The following LINGO2 variants were observed in gnomAD, a reference collection of about 807,000 sequenced individuals.
LINGO2 encodes leucine-rich repeat and immunoglobulin-like domain-containing nogo receptor-interacting protein 2.
LINGO2 carries 14 observed loss-of-function variants against 30.6 expected under a neutral mutation model. The observed-to-expected ratio is 0.46, with a 90% CI of 0.30 to 0.72. The LOEUF (loss-of-function observed/expected upper bound fraction) is 0.72. Ranked by LOEUF, LINGO2 falls within the 30% of genes least tolerant of loss-of-function variation. The pLI is 0.07. For synonymous variants in LINGO2, 317 were observed against 288.5 expected (o/e 1.10, Z -1.00); for missense variants, 729 against 751.7 (o/e 0.97, Z 0.35).
chr9:28,155,774 C>T (rs1007196950), intron 4 of LINGO2, among the ~76,000 whole-genome samples: 2 of 152,156 alleles, frequency 1.3e-5, no homozygotes, highest in African/African-American at 4.8e-5. Flanking sequence ...GATTATCTCA[C>T]AAAGTCACAG....
chr9:28,923,230 C>T, the LINGO2 span, among the ~76,000 whole-genome samples: 19 of 152,166 alleles, frequency 1.2e-4, no homozygotes, highest in Non-Finnish European at 2.1e-4. Flanking sequence ...CTACATTTCC[C>T]TAACTAATTC....
chr9:28,767,078 T>G, the LINGO2 span, among the ~76,000 whole-genome samples: 2 of 152,104 alleles, frequency 1.3e-5, no homozygotes, highest in East Asian at 3.9e-4. Flanking sequence ...TTACCAGGTG[T>G]GGGGGAAGGT....
intron 4 of LINGO2, among the ~76,000 whole-genome samples, chr9:28,234,035 T>G (rs1821468941): frequency 6.6e-6 from 1 of 152,166 alleles, no homozygotes; most frequent in South Asian, 2.1e-4. Context: ...GAAAGACTCC[T>G]TCTATTTGAG....
intron 4 of LINGO2, among the ~76,000 whole-genome samples, chr9:28,280,640 T>G (rs1232270995): frequency 2.0e-5 from 3 of 152,118 alleles, no homozygotes; most frequent in Non-Finnish European, 2.9e-5. Context: ...CTGGAAGTTG[T>G]GTGGATATCA....
chr9:29,190,364 G>T, the LINGO2 span, among the ~76,000 whole-genome samples: 1 of 152,086 alleles, frequency 6.6e-6, no homozygotes, highest in Non-Finnish European at 1.5e-5. Context: ...CCAAATTTGA[G>T]TAAGCTGACT....
rs373019723 is a variant in LINGO2 at position 28,313,936 on chromosome 9, A to AT, written c.-245-18571dup. 1.2e-3 allele frequency among the ~76,000 whole-genome samples: 172 copies of AT among 147,632 alleles called. 1 individual carries two copies. Among genetic ancestry groups the AT allele is most frequent in the Middle Eastern group, 0.011 (3 of 282 alleles). ...CAAACACTGTGACCAGTGAGAATTGATTTTTTTTTTTGTTTTAGATGGAGT... is the reference window on the plus strand; with the variant it reads ...CAAACACTGTGACCAGTGAGAATTGATTTTTTTTTTTTGTTTTAGATGGAGT... On this transcript the variant is annotated intron_variant, in intron 3 of 5. Coordinates refer to ENST00000379992, the Ensembl canonical transcript of LINGO2.
At chr9:28,562,950 G>A (rs1214152732) in intron 1 of LINGO2, among the ~76,000 whole-genome samples, 1 of 151,988 alleles carries the variant, frequency 6.6e-6, no homozygotes, top group African/African-American at 2.4e-5. Flanking sequence ...GGGTTCAAGC[G>A]ATTATCCTGC....
the LINGO2 span, among the ~76,000 whole-genome samples, chr9:28,766,987 G>C: frequency 1.6e-4 from 24 of 152,200 alleles, no homozygotes; most frequent in African/African-American, 5.5e-4. Flanking sequence ...TACAGAATGT[G>C]TTACAGAAAA....
the LINGO2 span, among the ~76,000 whole-genome samples, chr9:29,117,437 T>C: frequency 6.6e-6 from 1 of 152,212 alleles, no homozygotes; most frequent in Non-Finnish European, 1.5e-5. Context: ...TTAAGTCAGC[T>C]TCAGTGAAAG....
At chr9:28,793,971 A>C in the LINGO2 span, among the ~76,000 whole-genome samples, 2 of 151,982 alleles carry the variant, frequency 1.3e-5, no homozygotes, top group Non-Finnish European at 2.9e-5. Flanking sequence ...AACAATCTCC[A>C]CCCTCCTACT....
the LINGO2 span, among the ~76,000 whole-genome samples, chr9:28,752,530 T>G: frequency 6.6e-6 from 1 of 152,028 alleles, no homozygotes; most frequent in Admixed American, 6.5e-5. Flanking sequence ...GCATAAATTT[T>G]CCACAGAAGA....
intron 4 of LINGO2, among the ~76,000 whole-genome samples, chr9:28,081,639 C>T (rs565202431): frequency 6.6e-6 from 1 of 152,302 alleles, no homozygotes; most frequent in Admixed American, 6.5e-5. Flanking sequence ...TTTAAAATCT[C>T]AGCTCTGCTA....
rs1219338462 is a variant in LINGO2, at chr9:28,615,950, G to A, written c.-365+54250C>T. Among the ~76,000 whole-genome samples the A allele has an allele frequency of 3.3e-5, 5 of 152,006 alleles. No homozygotes were observed. The East Asian group carries it at 7.7e-4, about 23-fold the overall frequency. On this transcript the variant is annotated intron_variant, in intron 1 of 5. Transcript: ENST00000379992. Reference sequence around the variant, plus strand: ...TGACTCCATGTAAATTTAAAAAACTGGAGAAACTAAGCTATTCTAAGTTGT... The same window carrying A: ...TGACTCCATGTAAATTTAAAAAACTAGAGAAACTAAGCTATTCTAAGTTGT...
the LINGO2 span, among the ~76,000 whole-genome samples, chr9:28,695,859 A>G: frequency 1.3e-5 from 2 of 151,798 alleles, no homozygotes; most frequent in East Asian, 1.9e-4. Context: ...AACTTCCCCA[A>G]TTGATAATTT....
chr9:28,433,949 C>CTCTCTATATATATATA (rs1225323260), intron 2 of LINGO2, among the ~76,000 whole-genome samples: 8 of 88,542 alleles, frequency 9.0e-5, no homozygotes, highest in African/African-American at 3.1e-4. Flanking sequence ...CTCTCTCTCT[C>CTCTCTATATATATATA]TATATATATA....
chr9:28,007,499 C>T (rs1389821992), intron 5 of LINGO2, among the ~76,000 whole-genome samples: 1 of 151,990 alleles, frequency 6.6e-6, no homozygotes, highest in Non-Finnish European at 1.5e-5. Flanking sequence ...ATATTTTATC[C>T]ACTAAAATAA....
intron 1 of LINGO2, among the ~76,000 whole-genome samples, chr9:28,666,295 C>A (rs1828799038): frequency 6.6e-6 from 1 of 152,056 alleles, no homozygotes; most frequent in Admixed American, 6.6e-5. Flanking sequence ...CCTGAACATG[C>A]ACTATTGTAC....
At chr9:28,125,000 G>T (rs747072643) in intron 4 of LINGO2, among the ~76,000 whole-genome samples, 2 of 152,148 alleles carry the variant, frequency 1.3e-5, no homozygotes, top group African/African-American at 4.8e-5. Flanking sequence ...ATAGAAAGAA[G>T]GTTGGCAACC....
At chr9:29,180,543 A>C in the LINGO2 span, among the ~76,000 whole-genome samples, 1 of 152,130 alleles carries the variant, frequency 6.6e-6, no homozygotes, top group Non-Finnish European at 1.5e-5. Flanking sequence ...CTGCATTCTT[A>C]ATCACCCTAC....
Sources: allele counts gnomAD v4.1 joint callset (sites outside exome capture counted in the v4.1 genomes callset), GRCh38; gene constraint gnomAD v4.1.1; transcripts MANE v1.5; gene names NCBI Gene and HGNC (gene_info 2026-07-23, HGNC 2026-07-21).